MYO18B: variants seen among roughly 807,000 people sequenced by gnomAD.
MYO18B encodes the protein myosin XVIIIB.
A neutral mutation model predicts 273.0 loss-of-function variants in MYO18B; 204 were observed. The observed-to-expected ratio is 0.75, with a 90% confidence interval of 0.67 to 0.84. The LOEUF is 0.84. MYO18B is among the 40% of genes least tolerant of loss of function. The pLI is 0.00. For synonymous variants in MYO18B, 1,330 were observed against 1,305.7 expected, an observed-to-expected ratio of 1.02 and a Z score of -0.40; for missense variants, 3,212 against 3,287.6, an observed-to-expected ratio of 0.98 and a Z score of 0.56.
chr22:26,043,511 C>CTTT, the MYO18B span, among the ~76,000 whole-genome samples: 6 of 122,998 alleles, frequency 4.9e-5, no homozygotes, highest in African/African-American at 9.6e-5. Flanking sequence ...TTTTTTCTTT[C>CTTT]TTTTTTTTTT....
At chr22:25,903,855 A>G in intron 31 of MYO18B, 24 bp downstream of exon 31, 1 of 1,575,588 alleles carries the variant, frequency 6.3e-7, no homozygotes, top group Non-Finnish European at 8.6e-7. Context: ...GTCTCAGGGC[A>G]ACACCCTGTC....
chr22:25,956,883 T>C (rs1379295753), intron 39 of MYO18B, among the ~76,000 whole-genome samples: 1 of 152,240 alleles, frequency 6.6e-6, no homozygotes, highest in East Asian at 1.9e-4. Flanking sequence ...CTCGGGCTAC[T>C]GTCTTTCACA....
chr22:25,909,829 TG>T (rs1184920700), intron 32 of MYO18B, among the ~76,000 whole-genome samples: 5 of 152,198 alleles, frequency 3.3e-5, no homozygotes, highest in African/African-American at 1.2e-4. Flanking sequence ...TGGGTGGGAA[TG>T]CTGGGGCTGT....
Position 26,006,722 on chromosome 22 carries a change from T to C in MYO18B, c.6470+1867T>C, listed in dbSNP as rs1299934379. On this transcript the variant is annotated intron_variant, in intron 42 of 43. Coordinates refer to ENST00000335473, the MANE Select transcript of MYO18B (RefSeq NM_032608.7). ...ACAAGCTGCTTAACTTCTCTGTTCA[T>C]GTTTCCTCCCGAGTAAATCATGATT... is the stretch of plus-strand genomic sequence containing the variant. Among the ~76,000 whole-genome samples the C allele has an allele frequency of 2.0e-5, 3 of 152,226 alleles. No individual in the cohort carries two copies. In the East Asian group the frequency reaches 5.8e-4, roughly 29 times the overall value.
In MYO18B at chr22:25,992,157, CTATTCCCTCCTCTATGAAACTT is replaced by C. The variant is rs1291584155; in HGVS notation, c.6157-205_6157-184del. Among the ~76,000 whole-genome samples, 5 of 152,336 alleles carry C rather than the reference CTATTCCCTCCTCTATGAAACTT, an allele frequency of 3.3e-5. 1 individual carries two copies. Among genetic ancestry groups the C allele is most frequent in the South Asian group, 4.1e-4 (2 of 4,830 alleles). ...CTCTGTGTGCCATGCCCTGGAGTAT[CTATTCCCTCCTCTATGAAACTT>C]GGAACACCTGGTTGAGGATCCCATA... On this transcript the variant is annotated intron_variant, in intron 39 of 43. Transcript: ENST00000335473.
At chr22:26,010,894 G>T (rs1257059336) in intron 42 of MYO18B, among the ~76,000 whole-genome samples, 1 of 151,896 alleles carries the variant, frequency 6.6e-6, no homozygotes, top group Non-Finnish European at 1.5e-5. Context: ...CGTGTGTTTG[G>T]GGACATCCAA....
rs116953619 is a variant in MYO18B at position 25,904,756 on chromosome 22, A to G, written c.5148+925A>G. On this transcript the variant is annotated intron_variant, in intron 31 of 43. Coordinates refer to ENST00000335473, the MANE Select transcript of MYO18B (RefSeq NM_032608.7). ...ACAAGATACATGTATAATAGAACAC[A>G]AAAATTGTAAATAAAACAATCCAAA... 3.0e-4 allele frequency among the ~76,000 whole-genome samples: 45 copies of G among 152,298 alleles called. 2 individuals carry two copies. In the East Asian group the frequency reaches 8.7e-3, roughly 29 times the overall value.
intron 15 of MYO18B, among the ~76,000 whole-genome samples, chr22:25,829,610 G>A (rs893078813): frequency 7.2e-5 from 11 of 151,808 alleles, no homozygotes; most frequent in East Asian, 5.8e-4. Context: ...AGCCCGAGGC[G>A]GGCGGATCAC....
At position 25,890,718 on chromosome 22, in the gene MYO18B, G is replaced by A. The variant is rs1405858551; in HGVS notation, c.4315-38G>A. On this transcript the variant is annotated intron_variant, in intron 25 of 43. Transcript: ENST00000335473. ...GGAGAGAAGGGTTGGTGGCTCCATC[G>A]AGTGACCGTTCCTTGATCACCCCAT... is the stretch of plus-strand genomic sequence containing the variant. The A allele has an allele frequency of 2.5e-6, 4 of 1,610,344 alleles. No individual in the cohort carries two copies. The South Asian group carries it at 3.3e-5, about 13-fold the overall frequency.
intron 13 of MYO18B, among the ~76,000 whole-genome samples, chr22:25,824,538 T>C (rs1357753358): frequency 6.6e-6 from 1 of 152,148 alleles, no homozygotes; most frequent in Non-Finnish European, 1.5e-5. Flanking sequence ...TTGGGAGCTC[T>C]CTAAGAGCAG....
At chr22:25,797,367 C>T (rs1284844876) in intron 11 of MYO18B, among the ~76,000 whole-genome samples, 3 of 152,208 alleles carry the variant, frequency 2.0e-5, no homozygotes, top group African/African-American at 4.8e-5. Context: ...ATCTTTCAAA[C>T]TGCTATCACA....
rs757339175 is a variant in MYO18B at position 25,763,340 on chromosome 22, AG to A, written c.151del (p.Glu51LysfsTer8). ...QLVRGTEKEA[K>X]EARQRKQLAV... ...GTCCGGGGGACTGAAAAAGAGGCCA[AG>A]GAAGCGAGACAGAGGAAGCAGTTAG... On this transcript the variant is annotated frameshift_variant, in exon 3 of 44. Coordinates refer to ENST00000335473, the MANE Select transcript of MYO18B (RefSeq NM_032608.7). LOFTEE classifies it high-confidence loss of function. 6.2e-7 allele frequency: 1 copy of A among 1,612,816 alleles called. No homozygotes were observed. Among genetic ancestry groups the A allele is most frequent in the Admixed American group, 1.7e-5 (1 of 59,518 alleles).
At chr22:25,912,227 A>G (rs2146393570) in intron 33 of MYO18B, among the ~76,000 whole-genome samples, 1 of 152,314 alleles carries the variant, frequency 6.6e-6, no homozygotes, top group East Asian at 1.9e-4. Flanking sequence ...GGGAGTCAAT[A>G]TAATCTTCCT....
chr22:25,917,392 G>A (rs2092276526), intron 33 of MYO18B, among the ~76,000 whole-genome samples: 1 of 152,026 alleles, frequency 6.6e-6, no homozygotes, highest in Non-Finnish European at 1.5e-5. Flanking sequence ...TCTAAGTTTT[G>A]TATTGCTTTA....
At chr22:25,941,988 T>G (rs2092649813) in intron 34 of MYO18B, among the ~76,000 whole-genome samples, 1 of 152,374 alleles carries the variant, frequency 6.6e-6, no homozygotes, top group African/African-American at 2.4e-5. Flanking sequence ...AAATTCCCAC[T>G]TCCCAGGGAT....
At chr22:25,790,104 G>T (rs913201759) in intron 11 of MYO18B, among the ~76,000 whole-genome samples, 7 of 152,202 alleles carry the variant, frequency 4.6e-5, no homozygotes, top group Non-Finnish European at 1.0e-4. Context: ...AGTGAGCCGA[G>T]ATTGCGCCAC....
At chr22:25,816,030 T>A (rs1437244458) in intron 12 of MYO18B, among the ~76,000 whole-genome samples, 1 of 152,204 alleles carries the variant, frequency 6.6e-6, no homozygotes, top group African/African-American at 2.4e-5. Context: ...GAACAATATG[T>A]CCAGGTTTGT....
At chr22:25,786,649 A>G (rs1158882232) in intron 11 of MYO18B, among the ~76,000 whole-genome samples, 1 of 152,226 alleles carries the variant, frequency 6.6e-6, no homozygotes, top group Non-Finnish European at 1.5e-5. Flanking sequence ...TAAATGAGAC[A>G]TCAAAATCCC....
Position 25,780,184 on chromosome 22 carries a change from G to A in MYO18B, c.2197G>A (p.Ala733Thr), listed in dbSNP as rs534316679. 14 of 1,605,084 alleles carry A rather than the reference G, an allele frequency of 8.7e-6. No individual in the cohort carries two copies. The East Asian group carries it at 2.9e-4, about 33-fold the overall frequency. Residue 733 changes from alanine to threonine, a missense_variant, in exon 9 of 44, where the codon GCT becomes ACT. Physicochemically the swap from Ala to Thr is moderately conservative, Grantham distance 58. Coordinates refer to ENST00000335473, the MANE Select transcript of MYO18B (RefSeq NM_032608.7). ...LDFNATGRIT[A>T]AQLQTMLLEK... ...CTTCAACGCTACAGGCCGCATCACA[G>A]CTGCTCAGCTCCAGGTGAGGCCTCT...
Sources: allele counts gnomAD v4.1 joint callset (sites outside exome capture counted in the v4.1 genomes callset), GRCh38; gene constraint gnomAD v4.1.1; transcripts MANE v1.5; gene names NCBI Gene and HGNC (gene_info 2026-07-23, HGNC 2026-07-21).